The following CTIF variants were observed in gnomAD, a reference collection of about 807,000 sequenced individuals.
CTIF encodes CBP80/20-dependent translation initiation factor.
A neutral mutation model predicts 66.0 loss-of-function variants in CTIF; 21 were observed. That is an observed-to-expected ratio of 0.32 (90% CI 0.23 to 0.46). The LOEUF (loss-of-function observed/expected upper bound fraction) is 0.46. Among genes scored for constraint, CTIF ranks in the 20% least tolerant of loss-of-function variants. CTIF has a pLI of 1.00. For synonymous variants in CTIF, 345 were observed against 326.4 expected, an observed-to-expected ratio of 1.06 and a Z score of -0.62; for missense variants, 739 against 812.7, an observed-to-expected ratio of 0.91 and a Z score of 1.10.
At chr18:48,650,360 A>C (rs866685805) in intron 3 of CTIF, among the ~76,000 whole-genome samples, 1 of 152,250 alleles carries the variant, frequency 6.6e-6, no homozygotes, top group African/African-American at 2.4e-5. Context: ...AATTTGATCA[A>C]GTGTAACAAA....
chr18:48,754,076 TC>T (rs1359346729), intron 7 of CTIF, among the ~76,000 whole-genome samples: 1 of 152,202 alleles, frequency 6.6e-6, no homozygotes, highest in Admixed American at 6.5e-5. Context: ...GAGGCCTAAC[TC>T]CAAGTCTGTT....
intron 1 of CTIF, among the ~76,000 whole-genome samples, chr18:48,604,009 T>C (rs1038171420): frequency 6.6e-5 from 10 of 151,452 alleles, no homozygotes; most frequent in African/African-American, 2.4e-4. Context: ...CCGCCATGCC[T>C]GGCTAATTTT....
At chr18:48,757,778 G>A (rs1006205747) in intron 7 of CTIF, 141 bp from the exon 8 acceptor site, 44 of 1,162,082 alleles carry the variant, frequency 3.8e-5, no homozygotes, top group Admixed American at 6.8e-5. Flanking sequence ...ACTCTGGCAC[G>A]TAGAAGGTGC....
chr18:48,672,797 C>T (rs1028303597), intron 6 of CTIF, among the ~76,000 whole-genome samples: 1 of 152,194 alleles, frequency 6.6e-6, no homozygotes, highest in African/African-American at 2.4e-5. Flanking sequence ...AGACCCCCAT[C>T]TCCGGCCCCT....
intron 3 of CTIF, among the ~76,000 whole-genome samples, chr18:48,641,895 G>C (rs147754406): frequency 6.6e-6 from 1 of 152,326 alleles, no homozygotes; most frequent in East Asian, 1.9e-4. Flanking sequence ...GGGGATAACA[G>C]ATGGTAGGTG....
intron 10 of CTIF, among the ~76,000 whole-genome samples, chr18:48,830,569 G>C (rs1283766384): frequency 6.6e-6 from 1 of 152,178 alleles, no homozygotes; most frequent in Admixed American, 6.5e-5. Context: ...TAAAAGGATG[G>C]GTTCACAGCA....
chr18:48,568,632 G>GTA (rs2089331011), intron 1 of CTIF, among the ~76,000 whole-genome samples: 6 of 21,346 alleles, frequency 2.8e-4, no homozygotes, highest in Non-Finnish European at 5.6e-4. Context: ...TGGGCAATTT[G>GTA]TAAAAAAAAA....
chr18:48,649,147 G>A (rs576098230), intron 3 of CTIF, among the ~76,000 whole-genome samples: 1 of 152,292 alleles, frequency 6.6e-6, no homozygotes, highest in Non-Finnish European at 1.5e-5. Flanking sequence ...GAAGCTGGGT[G>A]GGGCATTGCG....
At chr18:48,653,662 T>C (rs928115057) in intron 3 of CTIF, among the ~76,000 whole-genome samples, 1 of 152,116 alleles carries the variant, frequency 6.6e-6, no homozygotes, top group Non-Finnish European at 1.5e-5. Flanking sequence ...GAGCCCGCAT[T>C]GCCAAGACAA....
intron 1 of CTIF, among the ~76,000 whole-genome samples, chr18:48,546,001 G>T (rs2088739523): frequency 6.6e-6 from 1 of 152,162 alleles, no homozygotes; most frequent in African/African-American, 2.4e-5. Context: ...TAGGGGAGAG[G>T]CATTTCGCTT....
chr18:48,841,704 T>C (rs1281124031), intron 10 of CTIF, among the ~76,000 whole-genome samples: 1 of 151,576 alleles, frequency 6.6e-6, no homozygotes, highest in East Asian at 1.9e-4. Flanking sequence ...GGCAGGCCCC[T>C]CTCCCACCAG....
intron 10 of CTIF, 81 bp downstream of exon 10, chr18:48,817,457 C>T: frequency 6.7e-6 from 10 of 1,499,344 alleles, no homozygotes; most frequent in Non-Finnish European, 8.1e-6. Context: ...TGGGACAAAG[C>T]TGTGAGGGTA....
At chr18:48,593,752 T>G (rs146057410) in intron 1 of CTIF, among the ~76,000 whole-genome samples, 50 of 151,586 alleles carry the variant, frequency 3.3e-4, no homozygotes, top group African/African-American at 8.5e-4. Flanking sequence ...TTGTTTGTTT[T>G]TTTTTTTAAG....
chr18:48,684,028 C>T (rs772248020), intron 6 of CTIF, among the ~76,000 whole-genome samples: 33 of 152,210 alleles, frequency 2.2e-4, no homozygotes, highest in Non-Finnish European at 4.0e-4. Flanking sequence ...GGGATGGACA[C>T]TGCTGTGGCG....
At chr18:48,736,418 A>G (rs992870392) in intron 7 of CTIF, among the ~76,000 whole-genome samples, 16 of 152,268 alleles carry the variant, frequency 1.1e-4, no homozygotes, top group African/African-American at 3.9e-4. Context: ...TGGAAGCCAG[A>G]GCTGTGCATA....
At chr18:48,627,158 C>G (rs2090619269) in intron 2 of CTIF, among the ~76,000 whole-genome samples, 1 of 152,176 alleles carries the variant, frequency 6.6e-6, no homozygotes, top group Non-Finnish European at 1.5e-5. Context: ...ATCTCCTAGA[C>G]ATTGTTTGGT....
At chr18:48,652,689 A>C (rs2091178563) in intron 3 of CTIF, among the ~76,000 whole-genome samples, 1 of 152,262 alleles carries the variant, frequency 6.6e-6, no homozygotes, top group African/African-American at 2.4e-5. Context: ...AAAGAATTTT[A>C]GACCAATATC....
intron 9 of CTIF, among the ~76,000 whole-genome samples, chr18:48,783,322 C>A (rs1911415880): frequency 6.6e-6 from 1 of 152,220 alleles, no homozygotes; most frequent in Non-Finnish European, 1.5e-5. Flanking sequence ...CTGGGAAGGA[C>A]TGGCTACTAC....
intron 7 of CTIF, among the ~76,000 whole-genome samples, chr18:48,717,193 G>A (rs1044419041): frequency 1.3e-5 from 2 of 152,034 alleles, no homozygotes; most frequent in African/African-American, 4.8e-5. Flanking sequence ...GAGGTTCAGG[G>A]GTTTGAGACT....
Sources: gnomAD v4.1 joint callset for allele counts (sites outside exome capture counted in the v4.1 genomes callset) on GRCh38, gnomAD v4.1.1 for gene constraint, MANE v1.5 for transcripts, NCBI Gene and HGNC (gene_info 2026-07-23, HGNC 2026-07-21) for gene names.